Variants in MECOM observed in about 807,000 individuals in gnomAD.
MECOM encodes MDS1 and EVI1 complex locus, also known as histone-lysine N-methyltransferase MECOM.
A neutral mutation model predicts 116.3 loss-of-function variants in MECOM; 13 were observed. The ratio of observed to expected loss-of-function variants is 0.11; its 90% CI spans 0.07 to 0.18. The LOEUF (loss-of-function observed/expected upper bound fraction) is 0.18. MECOM is among the 10% of genes least tolerant of loss of function. MECOM has a pLI of 1.00. For missense variants in MECOM, 1,299 were observed against 1,509.0 expected, an observed-to-expected ratio of 0.86 and a Z score of 2.31; for synonymous variants, 528 against 535.2, an observed-to-expected ratio of 0.99 and a Z score of 0.19.
At chr3:169,439,010 C>T (rs964699261) in intron 1 of MECOM, among the ~76,000 whole-genome samples, 1 of 151,268 alleles carries the variant, frequency 6.6e-6, no homozygotes, top group Non-Finnish European at 1.5e-5. Context: ...TAAAATAAGA[C>T]CTTCTGTTCA....
chr3:169,289,942 G>C (rs944729006), intron 2 of MECOM, among the ~76,000 whole-genome samples: 4 of 152,098 alleles, frequency 2.6e-5, no homozygotes, highest in Admixed American at 1.3e-4. Context: ...CCCACCTCTG[G>C]GACATGACTC....
At chr3:169,339,724 G>A (rs1417375271) in intron 2 of MECOM, among the ~76,000 whole-genome samples, 1 of 152,022 alleles carries the variant, frequency 6.6e-6, no homozygotes, top group Non-Finnish European at 1.5e-5. Context: ...GCTACAGGAT[G>A]GGGGGAAACA....
In MECOM at chr3:169,282,325, C is replaced by T. The variant is rs951342399; in HGVS notation, c.375+98862G>A. On this transcript the variant is annotated intron_variant, in intron 2 of 16. Transcript: ENST00000651503. ...AAGTAAGCAATATGCACAGGAGTAG[C>T]CCATGAAGTGCGATTTGAGGGATAT... is the stretch of plus-strand genomic sequence containing the variant. Among the ~76,000 whole-genome samples, 4 of 152,076 alleles carry T rather than the reference C, an allele frequency of 2.6e-5. 1 individual carries two copies. The highest frequency in any genetic ancestry group is 5.9e-5 in the Non-Finnish European group (4 of 68,014).
intron 1 of MECOM, among the ~76,000 whole-genome samples, chr3:169,594,158 A>AT (rs2109667274): frequency 7.1e-6 from 1 of 140,240 alleles, no homozygotes; most frequent in Non-Finnish European, 1.5e-5. Context: ...CCACCACAAA[A>AT]AAAAAAAAAA....
At chr3:169,220,505 C>G (rs946786259) in intron 2 of MECOM, among the ~76,000 whole-genome samples, 1 of 151,994 alleles carries the variant, frequency 6.6e-6, no homozygotes, top group African/African-American at 2.4e-5. Flanking sequence ...GATGGAGTCT[C>G]CCTCTATCAC....
At chr3:169,422,674 T>G (rs1328300257) in intron 1 of MECOM, among the ~76,000 whole-genome samples, 1 of 152,054 alleles carries the variant, frequency 6.6e-6, no homozygotes, top group Non-Finnish European at 1.5e-5. Context: ...TCACAAGCCT[T>G]AAGAATTAAA....
chr3:169,467,605 T>G (rs1748505807), intron 1 of MECOM, among the ~76,000 whole-genome samples: 1 of 152,182 alleles, frequency 6.6e-6, no homozygotes, highest in South Asian at 2.1e-4. Flanking sequence ...TCTACATGAT[T>G]TAGAAATTAA....
intron 2 of MECOM, among the ~76,000 whole-genome samples, chr3:169,309,587 A>T (rs1029946043): frequency 6.6e-6 from 1 of 152,206 alleles, no homozygotes; most frequent in Non-Finnish European, 1.5e-5. Context: ...TTTCATTACA[A>T]ATACTCTCAT....
At chr3:169,474,917 T>C (rs1206333315) in intron 1 of MECOM, among the ~76,000 whole-genome samples, 3 of 152,170 alleles carry the variant, frequency 2.0e-5, no homozygotes, top group African/African-American at 7.2e-5. Context: ...TATTATCCCA[T>C]ATTACAGAAT....
intron 1 of MECOM, among the ~76,000 whole-genome samples, chr3:169,468,092 G>A (rs1315382673): frequency 6.7e-6 from 1 of 149,778 alleles, no homozygotes; most frequent in Admixed American, 6.7e-5. Context: ...GTCTTCGTGT[G>A]CTTCTTACTA....
chr3:169,426,823 A>G (rs4955653), intron 1 of MECOM, among the ~76,000 whole-genome samples: 4,567 of 152,318 alleles, frequency 0.03, 383 homozygotes, highest in Admixed American at 0.18. Flanking sequence ...TTAGGCATCC[A>G]GTTAGTAACA....
At chr3:169,553,411 A>T (rs1761638983) in intron 1 of MECOM, among the ~76,000 whole-genome samples, 1 of 152,202 alleles carries the variant, frequency 6.6e-6, no homozygotes, top group Non-Finnish European at 1.5e-5. Context: ...AACTGAAGCT[A>T]CTGTACAGCA....
At chr3:169,437,141 A>T (rs957439139) in intron 1 of MECOM, among the ~76,000 whole-genome samples, 14 of 152,164 alleles carry the variant, frequency 9.2e-5, no homozygotes, top group Non-Finnish European at 1.9e-4. Context: ...TATTTTCTCC[A>T]TCTCCCAGAT....
intron 1 of MECOM, among the ~76,000 whole-genome samples, chr3:169,560,991 C>G (rs1762572792): frequency 6.6e-6 from 1 of 151,498 alleles, no homozygotes; most frequent in Non-Finnish European, 1.5e-5. Context: ...ATAAATATCT[C>G]TAATCAAAAC....
chr3:169,366,575 G>A (rs1057504074), intron 2 of MECOM, among the ~76,000 whole-genome samples: 2 of 151,990 alleles, frequency 1.3e-5, no homozygotes, highest in South Asian at 4.1e-4. Context: ...AGGGATTCAG[G>A]CCAGTAGTGT....
chr3:169,088,175 G>A (rs1718451149), intron 16 of MECOM, among the ~76,000 whole-genome samples: 1 of 152,090 alleles, frequency 6.6e-6, no homozygotes, highest in Non-Finnish European at 1.5e-5. Flanking sequence ...TAATGGATCA[G>A]GCAATTAGAC....
intron 1 of MECOM, among the ~76,000 whole-genome samples, chr3:169,431,663 C>T (rs1418889398): frequency 6.6e-6 from 1 of 152,130 alleles, no homozygotes; most frequent in Non-Finnish European, 1.5e-5. Context: ...ATGGTAAATA[C>T]AATTAGGTAG....
chr3:169,149,971 G>GTC (rs1253793841), intron 2 of MECOM, among the ~76,000 whole-genome samples: 23 of 111,584 alleles, frequency 2.1e-4, no homozygotes, highest in African/African-American at 6.9e-4. Context: ...GTGTGTGTGT[G>GTC]TGTGTGTCTG....
chr3:169,314,547 C>T (rs1719395454), intron 2 of MECOM, among the ~76,000 whole-genome samples: 1 of 152,050 alleles, frequency 6.6e-6, no homozygotes, highest in African/African-American at 2.4e-5. Context: ...TAGTAATTCT[C>T]ACAACTACCT....
Sources: gnomAD v4.1 joint callset for allele counts (sites outside exome capture counted in the v4.1 genomes callset) on GRCh38, gnomAD v4.1.1 for gene constraint, MANE v1.5 for transcripts, NCBI Gene and HGNC (gene_info 2026-07-23, HGNC 2026-07-21) for gene names.